The following ZMYND11 variants were observed in gnomAD, a reference collection of about 807,000 sequenced individuals.
ZMYND11 encodes zinc finger MYND-type containing 11.
In ZMYND11, 9 loss-of-function variants were observed where a neutral mutation model predicts 84.9. The observed-to-expected ratio is 0.11, with a 90% CI of 0.06 to 0.18. The LOEUF is 0.18. Ranked by LOEUF, ZMYND11 falls within the 10% of genes least tolerant of loss-of-function variation. ZMYND11 has a pLI of 1.00. For synonymous variants in ZMYND11, 250 were observed against 244.1 expected (o/e 1.02, Z -0.23); for missense variants, 409 against 761.0 (o/e 0.54, Z 5.44).
intron 1 of ZMYND11, among the ~76,000 whole-genome samples, chr10:156,782 T>C (rs1841813895): frequency 6.6e-6 from 1 of 152,176 alleles, no homozygotes; most frequent in Admixed American, 6.5e-5. Context: ...TTCATACATA[T>C]CCAGGTCATG....
intron 11 of ZMYND11, 50 bp from the exon 12 acceptor site, chr10:247,345 GAGA>G: frequency 6.3e-7 from 1 of 1,593,950 alleles, no homozygotes; most frequent in Admixed American, 1.7e-5. Flanking sequence ...GTTTTCAGCA[GAGA>G]AGTATTTTCT....
At chr10:248,152 ATTTG>A (rs1472783467) in intron 12 of ZMYND11, among the ~76,000 whole-genome samples, 180 bp from the exon 13 acceptor site, 1 of 151,986 alleles carries the variant, frequency 6.6e-6, no homozygotes, top group African/African-American at 2.4e-5. Flanking sequence ...ATTGGGGGAG[ATTTG>A]TTTATTTTTA....
intron 1 of ZMYND11, among the ~76,000 whole-genome samples, chr10:149,532 G>C (rs541298113): frequency 1.3e-5 from 2 of 151,718 alleles, no homozygotes; most frequent in Admixed American, 1.3e-4. Flanking sequence ...GGATGGTCTC[G>C]ATCTCCTGAC....
chr10:225,882 GCCTTGTAGAGCA>G (rs1858543047), intron 4 of ZMYND11, among the ~76,000 whole-genome samples: 2 of 152,262 alleles, frequency 1.3e-5, no homozygotes, highest in South Asian at 2.1e-4. Flanking sequence ...GTGGCACATT[GCCTTGTAGAGCA>G]GGGCTGTTCG....
At chr10:231,499 A>C (rs1223682818) in intron 4 of ZMYND11, among the ~76,000 whole-genome samples, 1 of 152,232 alleles carries the variant, frequency 6.6e-6, no homozygotes, top group Non-Finnish European at 1.5e-5. Flanking sequence ...CTGAAAAACT[A>C]TATCGCTATA....
intron 3 of ZMYND11, among the ~76,000 whole-genome samples, chr10:219,852 G>A (rs1946831044): frequency 6.6e-6 from 1 of 152,106 alleles, no homozygotes; most frequent in Non-Finnish European, 1.5e-5. Flanking sequence ...TTATTACTTT[G>A]GTCAACACAG....
chr10:157,491 C>T (rs543345254), intron 1 of ZMYND11, among the ~76,000 whole-genome samples: 27 of 152,240 alleles, frequency 1.8e-4, no homozygotes, highest in African/African-American at 6.0e-4. Context: ...TGAGCCGTTG[C>T]GCCTGGCATA....
intron 1 of ZMYND11, among the ~76,000 whole-genome samples, chr10:161,813 T>C (rs1842994692): frequency 6.6e-6 from 1 of 152,224 alleles, no homozygotes; most frequent in Non-Finnish European, 1.5e-5. Flanking sequence ...CTTAAGGGAA[T>C]ATTGTGGCTG....
At chr10:162,113 A>C (rs1265934477) in intron 1 of ZMYND11, among the ~76,000 whole-genome samples, 1 of 152,126 alleles carries the variant, frequency 6.6e-6, no homozygotes, top group East Asian at 1.9e-4. Flanking sequence ...TAGGGCTATT[A>C]ATGCGCCGGA....
At chr10:238,835 T>C (rs1950419418) in intron 6 of ZMYND11, among the ~76,000 whole-genome samples, 1 of 152,162 alleles carries the variant, frequency 6.6e-6, no homozygotes. Flanking sequence ...CTACAGAATA[T>C]GTAAGAACCC....
chr10:172,203 C>G (rs1554765897), intron 1 of ZMYND11, among the ~76,000 whole-genome samples: 1 of 152,096 alleles, frequency 6.6e-6, no homozygotes, highest in African/African-American at 2.4e-5. Flanking sequence ...GGTTTAATTT[C>G]CCACGTGAAT....
At chr10:231,103 C>A (rs541326060) in intron 4 of ZMYND11, among the ~76,000 whole-genome samples, 1 of 152,202 alleles carries the variant, frequency 6.6e-6, no homozygotes, top group Non-Finnish European at 1.5e-5. Flanking sequence ...CAGCCACACT[C>A]GTGATGTATG....
At chr10:247,817 T>C (rs1952472249) in intron 12 of ZMYND11, among the ~76,000 whole-genome samples, 3 of 152,240 alleles carry the variant, frequency 2.0e-5, no homozygotes, top group Non-Finnish European at 4.4e-5. Context: ...AGTATATCAG[T>C]TGTGCCAACA....
chr10:187,349 C>T (rs1938907747), intron 2 of ZMYND11, among the ~76,000 whole-genome samples: 3 of 152,160 alleles, frequency 2.0e-5, no homozygotes, highest in Non-Finnish European at 4.4e-5. Context: ...TATTTAAAAA[C>T]CATGGCTGGG....
At chr10:160,688 C>T (rs1431015666) in intron 1 of ZMYND11, among the ~76,000 whole-genome samples, 2 of 152,148 alleles carry the variant, frequency 1.3e-5, no homozygotes, top group Non-Finnish European at 2.9e-5. Context: ...ATGTTCACAA[C>T]ATCTTCATCA....
chr10:206,098 G>A (rs1463450262), intron 2 of ZMYND11, among the ~76,000 whole-genome samples: 2 of 151,172 alleles, frequency 1.3e-5, no homozygotes, highest in African/African-American at 4.9e-5. Flanking sequence ...GGTGGCTCAC[G>A]CCTGTAATCC....
At chr10:242,402 C>A (rs919807692) in intron 10 of ZMYND11, among the ~76,000 whole-genome samples, 5 of 152,076 alleles carry the variant, frequency 3.3e-5, no homozygotes, top group Non-Finnish European at 5.9e-5. Context: ...GTACAGTGGG[C>A]AGAAGGGCCT....
chr10:194,918 G>A (rs575375054), intron 2 of ZMYND11, among the ~76,000 whole-genome samples: 1 of 152,192 alleles, frequency 6.6e-6, no homozygotes, highest in East Asian at 1.9e-4. Context: ...ATTATTGAAA[G>A]GTACTAATAC....
intron 4 of ZMYND11, among the ~76,000 whole-genome samples, chr10:222,607 A>C (rs1257344993): frequency 1.3e-5 from 2 of 152,090 alleles, no homozygotes; most frequent in African/African-American, 2.4e-5. Flanking sequence ...TTCATATTTT[A>C]TTCTCTTGTG....
Sources: gnomAD v4.1 joint callset for allele counts (sites outside exome capture counted in the v4.1 genomes callset) on GRCh38, gnomAD v4.1.1 for gene constraint, MANE v1.5 for transcripts, NCBI Gene and HGNC (gene_info 2026-07-23, HGNC 2026-07-21) for gene names.